EYA1: variants seen among roughly 807,000 people sequenced by gnomAD.
EYA1 encodes the protein protein phosphatase EYA1.
Under a neutral mutation model 82.0 loss-of-function variants are expected in EYA1, and 16 were observed. That is an observed-to-expected ratio of 0.20 (90% CI 0.13 to 0.30). The LOEUF (loss-of-function observed/expected upper bound fraction) is 0.30. Among genes scored for constraint, EYA1 ranks in the 10% least tolerant of loss-of-function variants. The probability of loss-of-function intolerance (pLI) is 1.00; values close to 1 mark genes in which losing one functional copy is unlikely to be tolerated. For missense variants in EYA1, 633 were observed against 730.7 expected (o/e 0.87, Z 1.54); for synonymous variants, 261 against 264.4 (o/e 0.99, Z 0.12).
At chr8:71,310,470 G>A (rs1382012983) in intron 7 of EYA1, among the ~76,000 whole-genome samples, 1 of 152,060 alleles carries the variant, frequency 6.6e-6, no homozygotes, top group Non-Finnish European at 1.5e-5. Flanking sequence ...ATGTCCATAT[G>A]TTCTCATTAT....
At chr8:71,238,833 T>C (rs1350211007) in intron 12 of EYA1, among the ~76,000 whole-genome samples, 2 of 152,076 alleles carry the variant, frequency 1.3e-5, no homozygotes, top group Non-Finnish European at 2.9e-5. Context: ...TGCTGAATAA[T>C]AGTGCTGATA....
At chr8:71,279,728 G>A (rs1817601341) in intron 9 of EYA1, among the ~76,000 whole-genome samples, 1 of 152,220 alleles carries the variant, frequency 6.6e-6, no homozygotes, top group Non-Finnish European at 1.5e-5. Context: ...CAGCTGCACT[G>A]TGAAAGTCAA....
chr8:71,417,503 C>T (rs776212533), intron 2 of EYA1, among the ~76,000 whole-genome samples: 17 of 152,026 alleles, frequency 1.1e-4, no homozygotes, highest in Admixed American at 2.6e-4. Context: ...ATCGATGTAT[C>T]AAAATTTATT....
chr8:71,485,240 A>AT (rs1181119224), intron 2 of EYA1, among the ~76,000 whole-genome samples: 2 of 152,208 alleles, frequency 1.3e-5, no homozygotes, highest in Non-Finnish European at 2.9e-5. Flanking sequence ...AGATTCATGT[A>AT]TTTTTTTAAA....
chr8:71,327,980 T>A (rs1034011696), intron 4 of EYA1, among the ~76,000 whole-genome samples: 1 of 150,726 alleles, frequency 6.6e-6, no homozygotes, highest in Non-Finnish European at 1.5e-5. Context: ...CTCAGCCTCC[T>A]GAATAGCTGG....
intron 12 of EYA1, among the ~76,000 whole-genome samples, chr8:71,226,117 T>C (rs748392358): frequency 1.3e-5 from 2 of 152,204 alleles, no homozygotes; most frequent in Non-Finnish European, 2.9e-5. Flanking sequence ...GGTATATGCA[T>C]AAAATTATGG....
At chr8:71,441,789 T>C (rs1461385799) in intron 2 of EYA1, among the ~76,000 whole-genome samples, 1 of 152,212 alleles carries the variant, frequency 6.6e-6, no homozygotes, top group Non-Finnish European at 1.5e-5. Context: ...TAATCTCCAG[T>C]GCAATGGTAT....
upstream of EYA1, among the ~76,000 whole-genome samples, chr8:71,364,957 TA>T (rs1827659658): frequency 8.0e-6 from 1 of 125,730 alleles, no homozygotes; most frequent in African/African-American, 3.6e-5. Context: ...TATATATATA[TA>T]TATATATATA....
chr8:71,320,357 C>T (rs1414134609), intron 6 of EYA1, among the ~76,000 whole-genome samples: 13 of 152,180 alleles, frequency 8.5e-5, no homozygotes, highest in Admixed American at 8.5e-4. Flanking sequence ...ATTTATACTT[C>T]AAATAACCAT....
At chr8:71,239,475 T>A (rs564984642) in intron 12 of EYA1, among the ~76,000 whole-genome samples, 1 of 152,246 alleles carries the variant, frequency 6.6e-6, no homozygotes, top group South Asian at 2.1e-4. Flanking sequence ...ACATTCTGAG[T>A]GTTATAAGGG....
At chr8:71,358,955 T>C (rs1240002821) in intron 1 of EYA1, among the ~76,000 whole-genome samples, 3 of 152,214 alleles carry the variant, frequency 2.0e-5, no homozygotes, top group African/African-American at 4.8e-5. Flanking sequence ...AAACTTAGCA[T>C]GTTTCTTGTC....
At chr8:71,322,092 C>T (rs1479697388) in intron 5 of EYA1, 107 bp downstream of exon 5, 2 of 1,142,946 alleles carry the variant, frequency 1.7e-6, no homozygotes, top group African/African-American at 1.5e-5. Flanking sequence ...CTATGAAATG[C>T]ACTTTCATTT....
chr8:71,364,415 T>A (rs962787146), upstream of EYA1, among the ~76,000 whole-genome samples: 1 of 152,020 alleles, frequency 6.6e-6, no homozygotes, highest in Admixed American at 6.5e-5. Flanking sequence ...ACATTTAAGC[T>A]ATTAACAACA....
intron 12 of EYA1, among the ~76,000 whole-genome samples, chr8:71,241,480 C>T (rs902324781): frequency 2.0e-5 from 3 of 152,090 alleles, no homozygotes; most frequent in African/African-American, 7.2e-5. Context: ...GTGTATTTCA[C>T]TAGTCAGAAT....
intron 2 of EYA1, among the ~76,000 whole-genome samples, chr8:71,416,487 A>G (rs1362815772): frequency 1.3e-5 from 2 of 152,228 alleles, no homozygotes; most frequent in African/African-American, 4.8e-5. Context: ...TGCAAAATGG[A>G]AAAACAGAAT....
chr8:71,417,368 A>G (rs916646847), intron 2 of EYA1, among the ~76,000 whole-genome samples: 3 of 152,242 alleles, frequency 2.0e-5, no homozygotes, highest in Non-Finnish European at 2.9e-5. Context: ...CAATGGTTGT[A>G]GATATTTCTG....
intron 2 of EYA1, among the ~76,000 whole-genome samples, chr8:71,402,090 A>G (rs1349984193): frequency 4.6e-5 from 7 of 152,176 alleles, no homozygotes; most frequent in African/African-American, 9.7e-5. Context: ...TCTGCCCACC[A>G]TTGTAGGTCT....
chr8:71,205,192 A>G (rs1807605686), intron 17 of EYA1, among the ~76,000 whole-genome samples: 1 of 152,194 alleles, frequency 6.6e-6, no homozygotes, highest in African/African-American at 2.4e-5. Flanking sequence ...TGTGCAGAAA[A>G]TGGATGCTTG....
intron 11 of EYA1, among the ~76,000 whole-genome samples, chr8:71,263,220 C>A (rs1815351939): frequency 6.6e-6 from 1 of 152,206 alleles, no homozygotes; most frequent in African/African-American, 2.4e-5. Context: ...TGACTGAGGT[C>A]AATGGCACAG....
Sources: gnomAD v4.1 joint callset for allele counts (sites outside exome capture counted in the v4.1 genomes callset) on GRCh38, gnomAD v4.1.1 for gene constraint, MANE v1.5 for transcripts, NCBI Gene and HGNC (gene_info 2026-07-23, HGNC 2026-07-21) for gene names.